SCPEP1: variants seen among roughly 807,000 people sequenced by gnomAD.
SCPEP1 encodes retinoid-inducible serine carboxypeptidase.
A neutral mutation model predicts 63.8 loss-of-function variants in SCPEP1; 51 were observed. That is an observed-to-expected ratio of 0.80 (90% CI 0.64 to 1.01). SCPEP1 has a LOEUF of 1.01. Among genes scored for constraint, SCPEP1 ranks in the 50% least tolerant of loss-of-function variants. SCPEP1 has a pLI of 0.00. For missense variants in SCPEP1, 499 were observed against 554.9 expected, an observed-to-expected ratio of 0.90 and a Z score of 1.01; for synonymous variants, 204 against 207.8, an observed-to-expected ratio of 0.98 and a Z score of 0.16.
At chr17:56,984,211 C>T (rs1389818518) in intron 2 of SCPEP1, 1 of 152,768 alleles carries the variant, frequency 6.5e-6, no homozygotes, top group African/African-American at 2.4e-5. Context: ...AGCCACCGCA[C>T]CCGGTCCCCA....
intron 12 of SCPEP1, among the ~76,000 whole-genome samples, chr17:57,003,469 A>C (rs1435363359): frequency 6.6e-6 from 1 of 152,198 alleles, no homozygotes; most frequent in Non-Finnish European, 1.5e-5. Flanking sequence ...GAAAATTGGC[A>C]GGACTTGGTA....
chr17:56,999,937 G>A (rs1160782535), intron 10 of SCPEP1, among the ~76,000 whole-genome samples: 1 of 149,352 alleles, frequency 6.7e-6, no homozygotes, highest in Non-Finnish European at 1.5e-5. Flanking sequence ...AGCCAAGATT[G>A]TGCCATTGCA....
chr17:56,986,609 TATC>T (rs972221297), intron 3 of SCPEP1, among the ~76,000 whole-genome samples: 2 of 150,614 alleles, frequency 1.3e-5, no homozygotes, highest in African/African-American at 4.9e-5. Flanking sequence ...GCAGTGGCGC[TATC>T]TCGGCTCGCT....
Position 56,981,131 on chromosome 17 carries a change from T to C in SCPEP1, c.126T>C (p.Tyr42=). The C allele has an allele frequency of 6.2e-7, 1 of 1,614,224 alleles. No homozygotes were observed. The highest frequency in any genetic ancestry group is 8.5e-7 in the Non-Finnish European group (1 of 1,180,040). Residue 42 remains tyrosine, a synonymous_variant, in exon 2 of 13, where the codon TAT becomes TAC. Transcript: ENST00000262288. The part of the protein sequence containing the change: ...PTEEGKEVWD[Y]VTVRKDAYMF... ...AGGAGGGCAAGGAAGTATGGGATTATGTGACGGTCCGCAAGGATGCCTACA... is the reference window on the plus strand; with the variant it reads ...AGGAGGGCAAGGAAGTATGGGATTACGTGACGGTCCGCAAGGATGCCTACA...
intron 12 of SCPEP1, among the ~76,000 whole-genome samples, chr17:57,004,797 T>C (rs1403377198): frequency 6.6e-6 from 1 of 152,236 alleles, no homozygotes; most frequent in African/African-American, 2.4e-5. Context: ...CCATGGCTCT[T>C]CAACCAATCT....
chr17:56,998,476 T>C lies in SCPEP1; in HGVS notation c.972T>C (p.Ile324=), dbSNP rs1310963428. The change falls in exon 10 of 13, where the codon ATT becomes ATC. Residue 324 remains isoleucine (I), a synonymous_variant. Transcript: ENST00000262288. ...NGPIRKKLKI[I]PEDQSWGGQA... ...CCATCAGAAAGAAGCTCAAAATTAT[T>C]CCTGAGGATCAATCCTGGGGAGGTA... 1 of 1,613,652 alleles carries C rather than the reference T, an allele frequency of 6.2e-7. No homozygotes were observed. Among genetic ancestry groups the C allele is most frequent in the East Asian group, 2.2e-5 (1 of 44,870 alleles).
intron 6 of SCPEP1, among the ~76,000 whole-genome samples, chr17:56,991,502 C>G (rs913995001): frequency 6.6e-6 from 1 of 152,202 alleles, no homozygotes; most frequent in Non-Finnish European, 1.5e-5. Flanking sequence ...CTGTGCTGCT[C>G]AGTACAAAGG....
At position 57,000,965 on chromosome 17, in the gene SCPEP1, C is replaced by T. The variant is rs1296969917; in HGVS notation, c.1105C>T (p.Gln369Ter). Residue 369 changes from glutamine to a stop codon, truncating the protein, a stop_gained, in exon 11 of 13, where the codon CAG becomes TAG. Transcript: ENST00000262288. LOFTEE classifies it high-confidence loss of function. ...AGINVTVYNG[Q>*]LDLIVDTMGQ... ...GATCAACGTGACGGTGTATAATGGA[C>T]AGCTGGATCTCATCGTAGATACCAT... is the stretch of plus-strand genomic sequence containing the variant. 1.9e-6 allele frequency: 3 copies of T among 1,614,146 alleles called. No homozygotes were observed. Among genetic ancestry groups the T allele is most frequent in the Non-Finnish European group, 2.5e-6 (3 of 1,180,026 alleles).
intron 3 of SCPEP1, among the ~76,000 whole-genome samples, chr17:56,985,854 T>C (rs1260969276): frequency 1.3e-5 from 2 of 152,030 alleles, no homozygotes; most frequent in African/African-American, 2.4e-5. Flanking sequence ...ACTTGTATCT[T>C]GACTTCCCCT....
chr17:56,998,984 T>G (rs1911657874), intron 10 of SCPEP1, among the ~76,000 whole-genome samples: 1 of 151,924 alleles, frequency 6.6e-6, no homozygotes, highest in East Asian at 1.9e-4. Flanking sequence ...ACATCAAAAT[T>G]GATTCAAAAT....
chr17:57,003,298 G>A (rs1166120690), intron 12 of SCPEP1, among the ~76,000 whole-genome samples: 2 of 152,090 alleles, frequency 1.3e-5, no homozygotes, highest in African/African-American at 4.8e-5. Context: ...CACCAAGCAG[G>A]GGTTTTAAGC....
rs1455951705 is a variant in SCPEP1, at chr17:56,987,730, C to T, written c.351C>T (p.Pro117=). The change falls in exon 4 of 13, where the codon CCC becomes CCT. Residue 117 remains proline (P), a synonymous_variant. Transcript: ENST00000262288. ...QAASLLFVDN[P]VGTGFSYVNG... is the part of the protein sequence containing the mutation. ...CCAGTCTCCTATTTGTGGATAATCCCGTGGGCACTGGGTTCAGTTATGTGA... is the reference window on the plus strand; with the variant it reads ...CCAGTCTCCTATTTGTGGATAATCCTGTGGGCACTGGGTTCAGTTATGTGA... The T allele has an allele frequency of 7.4e-6, 12 of 1,613,960 alleles. No homozygotes were observed. The highest frequency in any genetic ancestry group is 1.7e-5 in the Admixed American group (1 of 59,982).
chr17:56,985,494 A>G lies in SCPEP1; in HGVS notation c.315+27A>G, dbSNP rs749298188. The G allele has an allele frequency of 8.2e-6, 13 of 1,582,326 alleles. No homozygotes were observed. In the African/African-American group the frequency reaches 1.8e-4, roughly 21 times the overall value. ...TACAGTGAGGACAGTCCTGAGCTAA[A>G]CCTTGCCCCGTGGCCTCTCAGAGGC... is the stretch of plus-strand genomic sequence containing the variant. On this transcript the variant is annotated intron_variant, in intron 3 of 12. Coordinates refer to ENST00000262288, the MANE Select transcript of SCPEP1 (RefSeq NM_021626.3).
In SCPEP1 at chr17:57,002,874, CA is replaced by C. The variant is rs59205865; in HGVS notation, c.1296+710del. ...TGGGTGACAGAGCGAGACCCTGTCT[CA>C]AAAAAAAAAAAAAAAAGAAAAATTA... On this transcript the variant is annotated intron_variant, in intron 12 of 12. Coordinates refer to ENST00000262288, the MANE Select transcript of SCPEP1 (RefSeq NM_021626.3). Among the ~76,000 whole-genome samples the C allele has an allele frequency of 7.6e-3, 810 of 107,102 alleles. 1 individual carries two copies. The highest frequency in any genetic ancestry group is 0.012 in the Non-Finnish European group (600 of 52,026). The allele number at this position is 107,102 out of a possible 152,430, so 70.3% of individuals were successfully genotyped here.
chr17:56,979,070 C>G (rs1910995841), intron 1 of SCPEP1, among the ~76,000 whole-genome samples: 2 of 152,184 alleles, frequency 1.3e-5, no homozygotes, highest in Non-Finnish European at 2.9e-5. Flanking sequence ...TCGTGTGTTA[C>G]TTGTATATAG....
chr17:57,001,006 C>A lies in SCPEP1; in HGVS notation c.1132+14C>A. On this transcript the variant is annotated intron_variant, in intron 11 of 12. Transcript: ENST00000262288. The stretch of plus-strand genomic sequence containing the variant: ...TAGATACCATGGGTAGGAATTGACT[C>A]TGAGAGGCACCTAGAGGCAGTTTTA... 2 of 1,614,062 alleles carry A rather than the reference C, an allele frequency of 1.2e-6. No homozygotes were observed. Among genetic ancestry groups the A allele is most frequent in the Non-Finnish European group, 1.7e-6 (2 of 1,179,956 alleles).
At chr17:56,995,063 G>C (rs1477624746) in intron 7 of SCPEP1, 45 bp downstream of exon 7, 1 of 1,543,704 alleles carries the variant, frequency 6.5e-7, no homozygotes. Flanking sequence ...CAGCCCAGCA[G>C]ATCTCTTCTG....
intron 9 of SCPEP1, among the ~76,000 whole-genome samples, chr17:56,997,754 A>G (rs1911611031): frequency 2.0e-5 from 3 of 149,488 alleles, no homozygotes; most frequent in Non-Finnish European, 3.0e-5. Context: ...TGACAAATCT[A>G]TTTTTTCCCT....
chr17:56,999,898 C>T (rs980154299), intron 10 of SCPEP1, among the ~76,000 whole-genome samples: 1 of 151,464 alleles, frequency 6.6e-6, no homozygotes, highest in African/African-American at 2.4e-5. Flanking sequence ...GGGGGAATCG[C>T]TTGAACCCGA....
Sources: gnomAD v4.1 joint callset for allele counts (sites outside exome capture counted in the v4.1 genomes callset) on GRCh38, gnomAD v4.1.1 for gene constraint, MANE v1.5 for transcripts, NCBI Gene and HGNC (gene_info 2026-07-23, HGNC 2026-07-21) for gene names.